UNC13B: variants seen among roughly 807,000 people sequenced by gnomAD.
UNC13B encodes the protein protein unc-13 homolog B.
In UNC13B, 144 loss-of-function variants were observed where a neutral mutation model predicts 211.0. The observed-to-expected ratio is 0.68, with a 90% CI of 0.60 to 0.78. UNC13B has a LOEUF of 0.78. Ranked by LOEUF, UNC13B falls within the 30% of genes least tolerant of loss-of-function variation. The pLI is 0.00. For synonymous variants in UNC13B, 709 were observed against 725.8 expected, an observed-to-expected ratio of 0.98 and a Z score of 0.37; for missense variants, 1,777 against 2,002.0, an observed-to-expected ratio of 0.89 and a Z score of 2.14.
chr9:35,272,565 T>C (rs1348709586), intron 7 of UNC13B, among the ~76,000 whole-genome samples: 1 of 152,024 alleles, frequency 6.6e-6, no homozygotes, highest in Admixed American at 6.5e-5. Context: ...GCCTGTTTTA[T>C]TTTTTCTTTA....
chr9:35,178,362 T>C (rs1043900029), intron 1 of UNC13B, among the ~76,000 whole-genome samples: 6 of 152,068 alleles, frequency 3.9e-5, no homozygotes, highest in African/African-American at 1.2e-4. Flanking sequence ...TTAGGCATGG[T>C]GGCACATGCC....
intron 1 of UNC13B, among the ~76,000 whole-genome samples, chr9:35,172,087 C>T (rs1293119505): frequency 6.6e-6 from 1 of 150,794 alleles, no homozygotes; most frequent in African/African-American, 2.4e-5. Flanking sequence ...AGGCAGGTCT[C>T]AGGTCTCAAA....
In UNC13B at chr9:35,377,231, G is replaced by A. The variant is rs368516847; in HGVS notation, c.9836-237G>A. Among the ~76,000 whole-genome samples, 163 of 152,340 alleles carry A rather than the reference G, an allele frequency of 1.1e-3. 1 individual carries two copies. In the South Asian group the frequency reaches 0.016, roughly 15 times the overall value. On this transcript the variant is annotated intron_variant, in intron 15 of 39. Coordinates refer to ENST00000635942, the MANE Select transcript of UNC13B (RefSeq NM_001371189.2). ...AAGAGACAGGTAGGACAGAGTCAGCGGAAGAGATGGGCTCTGAAAAGACTG... is the reference window on the plus strand; with the variant it reads ...AAGAGACAGGTAGGACAGAGTCAGCAGAAGAGATGGGCTCTGAAAAGACTG...
At chr9:35,382,536 C>T in intron 21 of UNC13B, 29 bp downstream of exon 21, 1 of 1,561,470 alleles carries the variant, frequency 6.4e-7, no homozygotes, top group African/African-American at 1.4e-5. Context: ...CATATGTCTG[C>T]ATTTGTTACC....
chr9:35,402,145 G>A (rs1836345990), intron 37 of UNC13B: 1 of 746,730 alleles, frequency 1.3e-6, no homozygotes, highest in East Asian at 2.8e-5. Flanking sequence ...TTAGAGATGG[G>A]TAATGCCTTC....
chr9:35,403,543 C>T lies in UNC13B; in HGVS notation c.12681C>T (p.Phe4227=). 6.2e-7 allele frequency: 1 copy of T among 1,612,914 alleles called. No homozygotes were observed. Among genetic ancestry groups the T allele is most frequent in the Non-Finnish European group, 8.5e-7 (1 of 1,179,650 alleles). The change falls in exon 39 of 40, where the codon TTC becomes TTT. Residue 4227 remains phenylalanine, a synonymous_variant. Transcript: ENST00000635942. ...GPHQSDKKRK[F]TTKSKSNNWA... The stretch of plus-strand genomic sequence containing the variant: ...ACCAAAGTGATAAGAAGAGGAAGTT[C>T]ACAACCAAATCCAAAAGCAACAACT...
chr9:35,312,826 A>C (rs1830246194), intron 10 of UNC13B, among the ~76,000 whole-genome samples: 1 of 152,190 alleles, frequency 6.6e-6, no homozygotes, highest in Non-Finnish European at 1.5e-5. Flanking sequence ...TCTGTCTCAA[A>C]GGTATTTTGT....
intron 7 of UNC13B, among the ~76,000 whole-genome samples, chr9:35,261,602 A>G (rs1827277966): frequency 6.6e-6 from 1 of 152,150 alleles, no homozygotes; most frequent in Non-Finnish European, 1.5e-5. Context: ...AGCATTTATC[A>G]TTTCTTTGTG....
intron 11 of UNC13B, chr9:35,352,793 C>G (rs1832800141): frequency 8.1e-7 from 1 of 1,232,090 alleles, no homozygotes; most frequent in African/African-American, 1.6e-5. Flanking sequence ...GTCTACCCCC[C>G]ATCAGTTTGA....
Position 35,236,488 on chromosome 9 carries a change from C to G in UNC13B, c.172C>G (p.Leu58Val), listed in dbSNP as rs370292765. 5.6e-6 allele frequency: 9 copies of G among 1,613,912 alleles called. No homozygotes were observed. Among genetic ancestry groups the G allele is most frequent in the African/African-American group, 1.3e-5 (1 of 74,912 alleles). ...DFMFEISRLD[L>V]GLSVEVWNKG... is the part of the protein sequence containing the mutation. ...CCTTAGTGAGATTAGTCGCCTGGAC[C>G]TGGGTCTAAGTGTGGAGGTATGGAA... is the stretch of plus-strand genomic sequence containing the variant. Residue 58 changes from leucine to valine, a missense_variant, in exon 4 of 40, where the codon CTG becomes GTG. Leu to Val is a conservative substitution (Grantham distance 32). Coordinates refer to ENST00000635942, the MANE Select transcript of UNC13B (RefSeq NM_001371189.2).
chr9:35,372,179 G>A (rs1327901779), intron 13 of UNC13B, among the ~76,000 whole-genome samples: 1 of 152,218 alleles, frequency 6.6e-6, no homozygotes, highest in East Asian at 1.9e-4. Context: ...GGCTGAGGCA[G>A]GAGAATCGCT....
chr9:35,334,928 C>T (rs1831568403), intron 11 of UNC13B, among the ~76,000 whole-genome samples: 1 of 152,124 alleles, frequency 6.6e-6, no homozygotes, highest in Non-Finnish European at 1.5e-5. Context: ...ATCCCAGCTA[C>T]TCAGGAGGCT....
At chr9:35,337,789 G>A (rs1831747305) in intron 11 of UNC13B, among the ~76,000 whole-genome samples, 1 of 152,206 alleles carries the variant, frequency 6.6e-6, no homozygotes, top group Non-Finnish European at 1.5e-5. Context: ...CCTAAGCCAG[G>A]AGAATTCTCC....
chr9:35,324,863 T>A (rs1437233565), intron 11 of UNC13B, among the ~76,000 whole-genome samples: 1 of 152,242 alleles, frequency 6.6e-6, no homozygotes, highest in African/African-American at 2.4e-5. Flanking sequence ...GGTTGCTCTC[T>A]TATCCAGCCC....
intron 28 of UNC13B, 89 bp from the exon 29 acceptor site, chr9:35,397,078 A>C: frequency 6.2e-7 from 1 of 1,602,118 alleles, no homozygotes; most frequent in Non-Finnish European, 8.5e-7. Context: ...GCCATTAGCC[A>C]CTCTTGCTGG....
rs375113025 is a variant in UNC13B, at chr9:35,397,244, G to A, written c.11610G>A (p.Glu3870=). 19 of 1,614,134 alleles carry A rather than the reference G, an allele frequency of 1.2e-5. No homozygotes were observed. Among genetic ancestry groups the A allele is most frequent in the Non-Finnish European group, 1.5e-5 (18 of 1,180,032 alleles). Residue 3870 remains glutamate, a synonymous_variant, in exon 29 of 40, where the codon GAG becomes GAA. Coordinates refer to ENST00000635942, the MANE Select transcript of UNC13B (RefSeq NM_001371189.2). The part of the protein sequence containing the change: ...DVFTQLNQSF[E]IIRKLECPDP... ...TCACACAACTCAATCAGAGCTTTGAGATCATCCGGAAGCTGGAATGCCCAG... is the reference window on the plus strand; with the variant it reads ...TCACACAACTCAATCAGAGCTTTGAAATCATCCGGAAGCTGGAATGCCCAG...
chr9:35,349,556 T>A (rs1832587406), intron 11 of UNC13B, among the ~76,000 whole-genome samples: 1 of 152,116 alleles, frequency 6.6e-6, no homozygotes, highest in African/African-American at 2.4e-5. Flanking sequence ...GCATGGCTGT[T>A]CCTGGCCCCA....
chr9:35,290,997 G>A (rs1469223216), intron 7 of UNC13B: 1 of 1,471,960 alleles, frequency 6.8e-7, no homozygotes, highest in East Asian at 2.5e-5. Context: ...GCTGAGATGG[G>A]GAAATGACTT....
intron 11 of UNC13B, among the ~76,000 whole-genome samples, chr9:35,314,850 T>A (rs1381861850): frequency 6.7e-6 from 1 of 149,826 alleles, no homozygotes; most frequent in Non-Finnish European, 1.5e-5. Flanking sequence ...CATCTGTTGA[T>A]GGACACTTAG....
Sources: gnomAD v4.1 joint callset for allele counts (sites outside exome capture counted in the v4.1 genomes callset) on GRCh38, gnomAD v4.1.1 for gene constraint, MANE v1.5 for transcripts, NCBI Gene and HGNC (gene_info 2026-07-23, HGNC 2026-07-21) for gene names.